Variants in BIN3 observed in about 807,000 individuals in gnomAD.
BIN3 encodes the protein bridging integrator 3.
In BIN3, 41 loss-of-function variants were observed where a neutral mutation model predicts 38.2. The observed-to-expected ratio is 1.07, with a 90% confidence interval of 0.84 to 1.39. The LOEUF (loss-of-function observed/expected upper bound fraction) is 1.39, where lower values mean the gene tolerates loss of function less well. Among genes scored for constraint, BIN3 ranks in the 40% most tolerant of loss-of-function variants. The pLI is 0.00. For missense variants in BIN3, 361 were observed against 324.3 expected, an observed-to-expected ratio of 1.11 and a Z score of -0.87; for synonymous variants, 145 against 122.6, an observed-to-expected ratio of 1.18 and a Z score of -1.21.
chr8:22,630,844 C>G (rs1802171820), intron 4 of BIN3, among the ~76,000 whole-genome samples: 1 of 152,206 alleles, frequency 6.6e-6, no homozygotes, highest in African/African-American at 2.4e-5. Flanking sequence ...AAAGGACCAT[C>G]TGGGTGGGAG....
At chr8:22,666,106 A>G (rs1053913924) in intron 1 of BIN3, among the ~76,000 whole-genome samples, 4 of 152,110 alleles carry the variant, frequency 2.6e-5, no homozygotes, top group African/African-American at 9.6e-5. Flanking sequence ...ACCCCTAGGT[A>G]TAGGGAGATT....
At chr8:22,625,333 G>C (rs1485527280) in intron 6 of BIN3, 5 of 702,582 alleles carry the variant, frequency 7.1e-6, no homozygotes, top group Non-Finnish European at 1.3e-5. Flanking sequence ...GCAGTGTCCA[G>C]GATCAGGCTG....
At chr8:22,653,891 G>A (rs1802976542) in intron 1 of BIN3, among the ~76,000 whole-genome samples, 1 of 151,842 alleles carries the variant, frequency 6.6e-6, no homozygotes, top group Admixed American at 6.6e-5. Flanking sequence ...TTTGGAGGTG[G>A]GGGTTGGGGT....
chr8:22,635,937 C>T (rs1471996596), intron 4 of BIN3, among the ~76,000 whole-genome samples: 2 of 152,116 alleles, frequency 1.3e-5, no homozygotes, highest in Admixed American at 6.5e-5. Context: ...GGCCTGGTTC[C>T]TCCTTGTTTC....
chr8:22,643,199 A>G (rs539370075), intron 2 of BIN3, among the ~76,000 whole-genome samples: 20 of 152,348 alleles, frequency 1.3e-4, no homozygotes, highest in Non-Finnish European at 2.4e-4. Context: ...AGCCGGCTAG[A>G]GACCAACATA....
intron 8 of BIN3, among the ~76,000 whole-genome samples, chr8:22,621,957 G>A (rs1801839160): frequency 6.6e-6 from 1 of 152,244 alleles, no homozygotes; most frequent in Admixed American, 6.5e-5. Flanking sequence ...GTAGGCTGAT[G>A]GCTCCCAAAG....
chr8:22,627,951 T>A (rs1336206914), intron 6 of BIN3, among the ~76,000 whole-genome samples: 1 of 152,234 alleles, frequency 6.6e-6, no homozygotes, highest in African/African-American at 2.4e-5. Flanking sequence ...GGGGCCGGGC[T>A]GGGCCCAGGC....
At chr8:22,664,732 T>C (rs1803356986) in intron 1 of BIN3, among the ~76,000 whole-genome samples, 1 of 152,250 alleles carries the variant, frequency 6.6e-6, no homozygotes, top group Non-Finnish European at 1.5e-5. Flanking sequence ...CTGAGTGAAT[T>C]CTAGTAAGTT....
intron 1 of BIN3, among the ~76,000 whole-genome samples, chr8:22,668,655 G>A (rs1162477998): frequency 1.3e-5 from 2 of 152,242 alleles, no homozygotes; most frequent in South Asian, 2.1e-4. Flanking sequence ...CACAGCGAGG[G>A]CCACAGCTCT....
intron 7 of BIN3, 76 bp from the exon 8 acceptor site, chr8:22,624,125 C>T: frequency 6.3e-7 from 1 of 1,589,350 alleles, no homozygotes; most frequent in Non-Finnish European, 8.6e-7. Context: ...GTGGGGACGT[C>T]TGGTGTCTTG....
intron 2 of BIN3, among the ~76,000 whole-genome samples, chr8:22,639,680 G>GC (rs985378189): frequency 1.3e-5 from 2 of 152,184 alleles, no homozygotes; most frequent in African/African-American, 4.8e-5. Context: ...TTTTTCTCCT[G>GC]CTCACTGGGG....
intron 1 of BIN3, among the ~76,000 whole-genome samples, chr8:22,659,230 T>C (rs1326075113): frequency 6.6e-6 from 1 of 152,204 alleles, no homozygotes; most frequent in Admixed American, 6.5e-5. Context: ...GGACATGAAC[T>C]GAGCTGGAAA....
chr8:22,636,843 G>C (rs548099848), intron 3 of BIN3, 79 bp downstream of exon 3: 5 of 1,490,106 alleles, frequency 3.4e-6, no homozygotes, highest in Non-Finnish European at 4.7e-6. Context: ...GGCAGGGCAC[G>C]GGGCAGACAG....
chr8:22,623,312 G>C (rs1230455575), intron 8 of BIN3, among the ~76,000 whole-genome samples: 2 of 152,200 alleles, frequency 1.3e-5, no homozygotes, highest in African/African-American at 2.4e-5. Context: ...CCGTCCCCGA[G>C]TGGAAGGAGA....
intron 7 of BIN3, 77 bp downstream of exon 7, chr8:22,624,145 G>T: frequency 3.8e-6 from 6 of 1,587,508 alleles, no homozygotes; most frequent in Non-Finnish European, 5.2e-6. Flanking sequence ...GGTGCCCCCA[G>T]GTGAGGGGAG....
At chr8:22,649,786 G>A (rs1365722792) in intron 1 of BIN3, among the ~76,000 whole-genome samples, 2 of 140,262 alleles carry the variant, frequency 1.4e-5, no homozygotes, top group African/African-American at 2.7e-5. Flanking sequence ...TTAAAAACCT[G>A]GAAGAGATAG....
At chr8:22,639,232 C>T (rs1422251111) in intron 2 of BIN3, among the ~76,000 whole-genome samples, 3 of 150,644 alleles carry the variant, frequency 2.0e-5, no homozygotes, top group Admixed American at 2.0e-4. Flanking sequence ...TAGTACTAAG[C>T]ATTTTTTTTT....
intron 1 of BIN3, among the ~76,000 whole-genome samples, chr8:22,652,410 G>GT (rs912727421): frequency 2.0e-5 from 3 of 152,222 alleles, no homozygotes; most frequent in African/African-American, 4.8e-5. Context: ...TCTTGGGCAG[G>GT]TAAAATTCCT....
At chr8:22,630,988 CAG>C (rs1203516869) in intron 4 of BIN3, among the ~76,000 whole-genome samples, 2 of 152,186 alleles carry the variant, frequency 1.3e-5, no homozygotes, top group African/African-American at 4.8e-5. Flanking sequence ...ACAAGAATAA[CAG>C]TACTCCAGTT....
Sources: allele counts gnomAD v4.1 joint callset (sites outside exome capture counted in the v4.1 genomes callset), GRCh38; gene constraint gnomAD v4.1.1; transcripts MANE v1.5; gene names NCBI Gene and HGNC (gene_info 2026-07-23, HGNC 2026-07-21).